GPR137C: variants seen among roughly 807,000 people sequenced by gnomAD.
GPR137C encodes G protein-coupled receptor 137C.
In GPR137C, 27 loss-of-function variants were observed where a neutral mutation model predicts 43.4. The observed-to-expected ratio is 0.62, with a 90% CI of 0.46 to 0.86. The LOEUF is 0.86. GPR137C is among the 40% of genes least tolerant of loss of function. The pLI, the probability that GPR137C is intolerant of heterozygous loss-of-function variation, is 0.00. For synonymous variants in GPR137C, 285 were observed against 226.9 expected, an observed-to-expected ratio of 1.26 and a Z score of -2.30; for missense variants, 522 against 534.6, an observed-to-expected ratio of 0.98 and a Z score of 0.23.
intron 3 of GPR137C, among the ~76,000 whole-genome samples, chr14:52,626,089 A>G (rs1438691001): frequency 1.3e-5 from 2 of 152,258 alleles, no homozygotes; most frequent in African/African-American, 2.4e-5. Context: ...AGTATTCAGT[A>G]TTATAAATAA....
intron 3 of GPR137C, chr14:52,611,909 C>G (rs2039042973): frequency 1.0e-6 from 1 of 980,556 alleles, no homozygotes; most frequent in Non-Finnish European, 1.2e-6. Flanking sequence ...TGTTGACTCG[C>G]TATCATCTTC....
chr14:52,563,290 G>A (rs2038314351), intron 1 of GPR137C, among the ~76,000 whole-genome samples: 1 of 152,090 alleles, frequency 6.6e-6, no homozygotes, highest in African/African-American at 2.4e-5. Flanking sequence ...TTCTTTCCAA[G>A]TGATCACATC....
At chr14:52,631,846 A>G (rs1263733902) in intron 3 of GPR137C, among the ~76,000 whole-genome samples, 1 of 152,026 alleles carries the variant, frequency 6.6e-6, no homozygotes, top group African/African-American at 2.4e-5. Context: ...TACCTCTTTG[A>G]TTAACATCAA....
intron 3 of GPR137C, among the ~76,000 whole-genome samples, chr14:52,616,317 A>T (rs2039098601): frequency 6.6e-6 from 1 of 151,966 alleles, no homozygotes; most frequent in Non-Finnish European, 1.5e-5. Context: ...GTTTTGAGAC[A>T]GGGTCTTGCC....
chr14:52,552,922 C>T lies in GPR137C; in HGVS notation c.-226C>T, dbSNP rs374097754. ...GTTTTTTGCAGCTACGGAGCCGAGCCGCAGCAGGAGGAGCCGAGACCCCCG... is the reference window on the plus strand; with the variant it reads ...GTTTTTTGCAGCTACGGAGCCGAGCTGCAGCAGGAGGAGCCGAGACCCCCG... On this transcript the variant is annotated 5_prime_UTR_variant, in exon 1 of 7. Transcript: ENST00000321662. 6.6e-6 allele frequency among the ~76,000 whole-genome samples: 1 copy of T among 151,696 alleles called. No homozygotes were observed. Among genetic ancestry groups the T allele is most frequent in the East Asian group, 2.0e-4 (1 of 5,094 alleles).
In GPR137C at chr14:52,606,332, G is replaced by A. The variant is rs74401266; in HGVS notation, c.717+5991G>A. Among the ~76,000 whole-genome samples, 656 of 152,192 alleles carry A rather than the reference G, an allele frequency of 4.3e-3. 10 individuals carry two copies. Among genetic ancestry groups the A allele is most frequent in the Admixed American group, 0.035 (541 of 15,280 alleles). ...TTTCTAATTTGTTGGCATGTAGTTC[G>A]TAATAGTCTCTAATGATTTCTTGTA... On this transcript the variant is annotated intron_variant, in intron 3 of 6. Transcript: ENST00000321662.
chr14:52,565,881 T>G (rs2038362219), intron 1 of GPR137C, among the ~76,000 whole-genome samples: 1 of 152,250 alleles, frequency 6.6e-6, no homozygotes, highest in South Asian at 2.1e-4. Context: ...CTGCTTTATA[T>G]GAATAATTGA....
rs2039360483 is a variant in GPR137C, at chr14:52,636,970, T to C, written c.*1855T>C. On this transcript the variant is annotated 3_prime_UTR_variant, in exon 7 of 7. Coordinates refer to ENST00000321662, the MANE Select transcript of GPR137C (RefSeq NM_001099652.2). ...TAGAGCTGTCCAAAAAGATATGTTG[T>C]CTTTGTTAATCCTTGGGGTTCAAGG... 1 of 152,170 alleles carries C rather than the reference T, an allele frequency of 6.6e-6. No homozygotes were observed. The highest frequency in any genetic ancestry group is 2.4e-5 in the African/African-American group (1 of 41,454). The allele number at this position is 152,170 out of a possible 1,614,324, so 9.4% of individuals were successfully genotyped here.
Position 52,635,096 on chromosome 14 carries a change from A to G in GPR137C, c.1271A>G (p.Tyr424Cys). 1 of 1,579,874 alleles carries G rather than the reference A, an allele frequency of 6.3e-7. No individual in the cohort carries two copies. The highest frequency in any genetic ancestry group is 8.6e-7 in the Non-Finnish European group (1 of 1,166,968). ...GATTTGAACAATCATCATAGCTTAT[A>G]TGTGACACCACAAAACTGACAGCAT... ...NLDLNNHHSL[Y>C]VTPQN The change falls in exon 7 of 7, where the codon TAT (tyrosine) becomes TGT (cysteine). Residue 424 changes from tyrosine to cysteine, a missense_variant. Around this residue, in one of 3 missense-constraint regions of GPR137C, gnomAD observed 67 missense variants for 69.0 expected, o/e 0.97. Transcript: ENST00000321662.
intron 2 of GPR137C, 123 bp from the exon 3 acceptor site, chr14:52,599,990 C>A: frequency 1.5e-6 from 1 of 653,524 alleles, no homozygotes; most frequent in South Asian, 2.0e-5. Flanking sequence ...GCTTAAAAAT[C>A]TATGCCATTC....
chr14:52,634,408 T>A (rs2039328673), intron 6 of GPR137C, among the ~76,000 whole-genome samples: 1 of 152,110 alleles, frequency 6.6e-6, no homozygotes, highest in South Asian at 2.1e-4. Flanking sequence ...CTATTGACTG[T>A]GATTCGGGCA....
chr14:52,553,047 G>C lies in GPR137C; in HGVS notation c.-101G>C. The C allele has an allele frequency of 1.9e-6, 1 of 528,020 alleles. No homozygotes were observed. Among genetic ancestry groups the C allele is most frequent in the Non-Finnish European group, 2.6e-6 (1 of 388,678 alleles). The allele number at this position is 528,020 out of a possible 1,614,324, so 32.7% of individuals were successfully genotyped here. On this transcript the variant is annotated 5_prime_UTR_variant, in exon 1 of 7. Transcript: ENST00000321662. ...GGCGCTTCCTGGGGTTAGAGGCTGG[G>C]GTGGGTGGGGGGTAAGGGGGCAGTC...
chr14:52,583,843 C>G (rs1309189290), intron 1 of GPR137C, among the ~76,000 whole-genome samples: 2 of 152,160 alleles, frequency 1.3e-5, no homozygotes, highest in Non-Finnish European at 2.9e-5. Flanking sequence ...TGTCTCAATT[C>G]AGTGGTTTCT....
At chr14:52,584,676 A>G (rs1489028460) in intron 1 of GPR137C, among the ~76,000 whole-genome samples, 3 of 152,132 alleles carry the variant, frequency 2.0e-5, no homozygotes, top group Non-Finnish European at 4.4e-5. Context: ...CAGTAGCGCA[A>G]TCATAACTCA....
intron 1 of GPR137C, among the ~76,000 whole-genome samples, chr14:52,582,515 C>T (rs1234643749): frequency 6.6e-6 from 1 of 152,138 alleles, no homozygotes; most frequent in Non-Finnish European, 1.5e-5. Context: ...AATATCTGGC[C>T]GGGCATGGTG....
chr14:52,553,284 A>C lies in GPR137C; in HGVS notation c.137A>C (p.Gln46Pro), dbSNP rs754400070. The change falls in exon 1 of 7, where the codon CAG (glutamine) becomes CCG (proline). Residue 46 changes from glutamine (Q) to proline (P), a missense_variant. This residue lies in a region of GPR137C where 437 missense variants were observed against 425.7 expected (regional missense o/e 1.03). Transcript: ENST00000321662. ...GGCGCCGCGGTGCCGGGCTCCGTGC[A>C]GTTGGCGCTGAGCGTCCTGCACGCC... The part of the protein sequence containing the change: ...ASGAAVPGSV[Q>P]LALSVLHALL... 2 of 1,507,538 alleles carry C rather than the reference A, an allele frequency of 1.3e-6. No individual in the cohort carries two copies. The highest frequency in any genetic ancestry group is 1.8e-6 in the Non-Finnish European group (2 of 1,130,720). 93.4% of individuals were successfully genotyped at this position (1,507,538 alleles called of 1,614,324 possible). A position where few individuals can be genotyped will look rare whatever the true frequency, so the allele number is the denominator to read the frequency against.
At chr14:52,617,354 A>G (rs2039110563) in intron 3 of GPR137C, among the ~76,000 whole-genome samples, 1 of 152,192 alleles carries the variant, frequency 6.6e-6, no homozygotes, top group African/African-American at 2.4e-5. Context: ...TAATATGGAA[A>G]GGCCTTAGAG....
chr14:52,597,993 A>G (rs1028285594), intron 1 of GPR137C, among the ~76,000 whole-genome samples: 5 of 152,238 alleles, frequency 3.3e-5, no homozygotes, highest in African/African-American at 4.8e-5. Context: ...TGTCTGCCTC[A>G]TAATACAAGT....
intron 1 of GPR137C, among the ~76,000 whole-genome samples, chr14:52,557,446 C>G (rs912471912): frequency 2.0e-5 from 3 of 152,118 alleles, no homozygotes; most frequent in African/African-American, 7.2e-5. Context: ...TCAACAAATT[C>G]TACAAAATAG....
Sources: allele counts gnomAD v4.1 joint callset (sites outside exome capture counted in the v4.1 genomes callset), GRCh38; gene constraint gnomAD v4.1.1; regional missense constraint gnomAD v4.1.1; transcripts MANE v1.5; gene names NCBI Gene and HGNC (gene_info 2026-07-23, HGNC 2026-07-21).